Variants in CLDN11 observed in about 807,000 individuals in gnomAD.
CLDN11 encodes the protein claudin-11.
In CLDN11, 1 loss-of-function variant was observed where a neutral mutation model predicts 18.0. The ratio of observed to expected loss-of-function variants is 0.06; its 90% CI spans 0.02 to 0.26. The LOEUF is 0.26. Among genes scored for constraint, CLDN11 ranks in the 10% least tolerant of loss-of-function variants. CLDN11 has a pLI of 1.00. For missense variants in CLDN11, 172 were observed against 276.6 expected (o/e 0.62, Z 2.68); for synonymous variants, 116 against 121.5 (o/e 0.96, Z 0.30).
intron 2 of CLDN11, among the ~76,000 whole-genome samples, chr3:170,427,198 A>G (rs1261593543): frequency 6.6e-6 from 1 of 152,202 alleles, no homozygotes; most frequent in Non-Finnish European, 1.5e-5. Context: ...TCCAGTCTTC[A>G]GATTTTTAAA....
chr3:170,424,916 G>GGTGT lies in CLDN11; in HGVS notation c.391+1611_391+1614dup, dbSNP rs747725849. ...TTGCAGGTTCTTGTGAAGCCACAAG[G>GGTGT]GTGTGTGTGTGTGTGTGTGTGTGTG... On this transcript the variant is annotated intron_variant, in intron 2 of 2. Transcript: ENST00000064724. Among the ~76,000 whole-genome samples, 725 of 141,528 alleles carry GGTGT rather than the reference G, an allele frequency of 5.1e-3. 7 individuals carry two copies. Among genetic ancestry groups the GGTGT allele is most frequent in the African/African-American group, 0.011 (432 of 39,616 alleles). The allele number at this position is 141,528 out of a possible 152,430, so 92.8% of individuals were successfully genotyped here.
chr3:170,420,721 C>A (rs962883596), intron 1 of CLDN11, among the ~76,000 whole-genome samples: 1 of 152,130 alleles, frequency 6.6e-6, no homozygotes, highest in South Asian at 2.1e-4. Flanking sequence ...TCATTTTGAA[C>A]TTTCAGAAGG....
At chr3:170,424,923 G>A (rs1172134695) in intron 2 of CLDN11, among the ~76,000 whole-genome samples, 1 of 38,408 alleles carries the variant, frequency 2.6e-5, no homozygotes, top group African/African-American at 1.0e-4. Flanking sequence ...AAGGGTGTGT[G>A]TGTGTGTGTG....
rs1033865459 is a variant in CLDN11, at chr3:170,424,943, G to A, written c.391+1616G>A. Among the ~76,000 whole-genome samples the A allele has an allele frequency of 6.7e-3, 21 of 3,130 alleles. No individual in the cohort carries two copies. In the South Asian group the frequency reaches 0.14, roughly 21 times the overall value. 2.1% of individuals were successfully genotyped at this position (3,130 alleles called of 152,430 possible). A position where few individuals can be genotyped will look rare whatever the true frequency, so the allele number is the denominator to read the frequency against. ...TGTGTGTGTGTGTGTGTGTGTGTGC[G>A]CGCGTGTGTGTGTGTTAACAGGAGT... On this transcript the variant is annotated intron_variant, in intron 2 of 2. Coordinates refer to ENST00000064724, the MANE Select transcript of CLDN11 (RefSeq NM_005602.6).
In CLDN11 at chr3:170,419,245, CG is replaced by C. The variant is rs1560232699; in HGVS notation, c.183del (p.Leu62CysfsTer23). 1.3e-6 allele frequency: 2 copies of C among 1,575,626 alleles called. No homozygotes were observed. On this transcript the variant is annotated frameshift_variant, in exon 1 of 3. Transcript: ENST00000064724. LOFTEE classifies it high-confidence loss of function. This position sits in a 1 kb window ranked among gnomAD's most constrained non-coding sequence, Gnocchi z 8.6. ...KGLWADCVMA[T>X]GLYHCKPLVD... The stretch of plus-strand genomic sequence containing the variant: ...CTGTGGGCCGACTGCGTCATGGCCA[CG>C]GGGCTGTACCACTGCAAGCCCCTGG...
chr3:170,422,640 CTT>C lies in CLDN11; in HGVS notation c.227-522_227-521del, dbSNP rs1577468567. 5.3e-5 allele frequency among the ~76,000 whole-genome samples: 8 copies of C among 152,308 alleles called. 1 individual carries two copies. Among genetic ancestry groups the C allele is most frequent in the South Asian group, 4.1e-4 (2 of 4,826 alleles). On this transcript the variant is annotated intron_variant, in intron 1 of 2. Transcript: ENST00000064724. ...GTTTCGCCCTGTTGGCCAGGCTGAT[CTT>C]GAACTCCTGACCTCAGAAGATCCAC...
At chr3:170,426,631 G>T (rs1738861723) in intron 2 of CLDN11, among the ~76,000 whole-genome samples, 1 of 152,192 alleles carries the variant, frequency 6.6e-6, no homozygotes, top group Admixed American at 6.5e-5. Flanking sequence ...TAAAAACAGT[G>T]AAATGATGTG....
chr3:170,420,456 C>T lies in CLDN11; in HGVS notation c.226+1164C>T, dbSNP rs78430314. Among the ~76,000 whole-genome samples, 1,277 of 152,314 alleles carry T rather than the reference C, an allele frequency of 8.4e-3. 7 individuals are homozygous for T. Among genetic ancestry groups the T allele is most frequent in the Middle Eastern group, 0.014 (4 of 294 alleles). ...CCTCCAAGCACGCCCTATTTCCGGT[C>T]CTCGCAGTCGGAATCTGAATCCCTC... On this transcript the variant is annotated intron_variant, in intron 1 of 2. Coordinates refer to ENST00000064724, the MANE Select transcript of CLDN11 (RefSeq NM_005602.6).
chr3:170,425,508 C>T (rs939388098), intron 2 of CLDN11, among the ~76,000 whole-genome samples: 28 of 152,154 alleles, frequency 1.8e-4, no homozygotes, highest in African/African-American at 5.1e-4. Context: ...AAAAAGCAAC[C>T]GGTGGTTTGA....
Position 170,425,410 on chromosome 3 carries a change from A to G in CLDN11, c.391+2083A>G, listed in dbSNP as rs989726344. Among the ~76,000 whole-genome samples, 6 of 152,232 alleles carry G rather than the reference A, an allele frequency of 3.9e-5. No individual in the cohort carries two copies. In the East Asian group the frequency reaches 7.7e-4, roughly 20 times the overall value. ...TAAAACAAACATACAAACCCTGGAA[A>G]ATAGAGGGATAAAAGCAAAGTATAC... On this transcript the variant is annotated intron_variant, in intron 2 of 2. Coordinates refer to ENST00000064724, the MANE Select transcript of CLDN11 (RefSeq NM_005602.6).
intron 2 of CLDN11, chr3:170,423,663 A>T: frequency 4.3e-6 from 1 of 231,758 alleles, no homozygotes; most frequent in East Asian, 8.7e-5. Flanking sequence ...CCCAGGTCCC[A>T]CAGCAGATCA....
chr3:170,431,147 A>G lies in CLDN11; in HGVS notation c.392-1377A>G, dbSNP rs972324082. Reference sequence around the variant, plus strand: ...AATCTTTTTTCCATTTAGAACTAATATACAAGGCTGTTAGATTTGATTGCT... The same window carrying G: ...AATCTTTTTTCCATTTAGAACTAATGTACAAGGCTGTTAGATTTGATTGCT... On this transcript the variant is annotated intron_variant, in intron 2 of 2. Coordinates refer to ENST00000064724, the MANE Select transcript of CLDN11 (RefSeq NM_005602.6). 3.7e-4 allele frequency among the ~76,000 whole-genome samples: 57 copies of G among 152,188 alleles called. 1 individual carries two copies. Among genetic ancestry groups the G allele is most frequent in the African/African-American group, 1.3e-3 (54 of 41,448 alleles).
chr3:170,431,013 A>G (rs1346924853), intron 2 of CLDN11, among the ~76,000 whole-genome samples: 1 of 152,168 alleles, frequency 6.6e-6, no homozygotes, highest in Non-Finnish European at 1.5e-5. Context: ...ACATATATCT[A>G]TACCCAGCTT....
chr3:170,426,777 C>G (rs1208415833), intron 2 of CLDN11, among the ~76,000 whole-genome samples: 1 of 151,998 alleles, frequency 6.6e-6, no homozygotes, highest in Non-Finnish European at 1.5e-5. Flanking sequence ...ATGTCAATTT[C>G]CTTCTTTTTA....
At chr3:170,421,360 C>A (rs769132375) in intron 1 of CLDN11, 267 of 947,106 alleles carry the variant, frequency 2.8e-4, no homozygotes, top group Non-Finnish European at 3.2e-4. Flanking sequence ...TCTCTACAAG[C>A]CGCAGAGGCG....
Position 170,426,495 on chromosome 3 carries a change from G to A in CLDN11, c.391+3168G>A, listed in dbSNP as rs951626566. On this transcript the variant is annotated intron_variant, in intron 2 of 2. Transcript: ENST00000064724. Reference sequence around the variant, plus strand: ...CCTGAATTGTGTGATCTTATCAGCTGGAGTCAGATCCAACTGTGCTGAATC... The same window carrying A: ...CCTGAATTGTGTGATCTTATCAGCTAGAGTCAGATCCAACTGTGCTGAATC... Among the ~76,000 whole-genome samples, 11 of 152,260 alleles carry A rather than the reference G, an allele frequency of 7.2e-5. 1 individual carries two copies. Among genetic ancestry groups the A allele is most frequent in the Admixed American group, 2.6e-4 (4 of 15,294 alleles).
At chr3:170,422,872 C>T (rs1312439452) in intron 1 of CLDN11, among the ~76,000 whole-genome samples, 1 of 152,228 alleles carries the variant, frequency 6.6e-6, no homozygotes, top group East Asian at 1.9e-4. Flanking sequence ...TCTGAACTTT[C>T]TCAGGGGGAT....
In CLDN11 at chr3:170,419,867, C is replaced by G. The variant is rs941105990; in HGVS notation, c.226+575C>G. Among the ~76,000 whole-genome samples, 1 of 152,378 alleles carries G rather than the reference C, an allele frequency of 6.6e-6. No homozygotes were observed. The highest frequency in any genetic ancestry group is 1.5e-5 in the Non-Finnish European group (1 of 68,034). ...TCACGTCCAGGGCTCTCTGGGCTGCCTGGTTTGGGAAATGTCACGTTGATT... is the reference window on the plus strand; with the variant it reads ...TCACGTCCAGGGCTCTCTGGGCTGCGTGGTTTGGGAAATGTCACGTTGATT... On this transcript the variant is annotated intron_variant, in intron 1 of 2. Transcript: ENST00000064724. This position sits in a 1 kb window ranked among gnomAD's most constrained non-coding sequence, Gnocchi z 8.6.
intron 1 of CLDN11, among the ~76,000 whole-genome samples, chr3:170,422,238 C>T (rs1738741601): frequency 6.8e-6 from 1 of 146,836 alleles, no homozygotes; most frequent in Admixed American, 7.0e-5. Flanking sequence ...TCACCTAGGA[C>T]ACCTGAAGAT....
Sources: allele counts gnomAD v4.1 joint callset (sites outside exome capture counted in the v4.1 genomes callset), GRCh38; gene constraint gnomAD v4.1.1; non-coding constraint Gnocchi (gnomAD v3.1); transcripts MANE v1.5; gene names NCBI Gene and HGNC (gene_info 2026-07-23, HGNC 2026-07-21).